Variants in PTPRT observed in about 807,000 individuals in gnomAD.
PTPRT encodes protein tyrosine phosphatase receptor type T.
PTPRT carries 56 observed loss-of-function variants against 176.8 expected under a neutral mutation model. The ratio of observed to expected loss-of-function variants is 0.32; its 90% CI spans 0.26 to 0.40. The LOEUF (loss-of-function observed/expected upper bound fraction) is 0.40. Among genes scored for constraint, PTPRT ranks in the 10% least tolerant of loss-of-function variants. The pLI, the probability that PTPRT is intolerant of heterozygous loss-of-function variation, is 1.00. For synonymous variants in PTPRT, 783 were observed against 739.0 expected, an observed-to-expected ratio of 1.06 and a Z score of -0.96; for missense variants, 1,540 against 1,908.2, an observed-to-expected ratio of 0.81 and a Z score of 3.60.
chr20:43,187,022 T>C (rs1330580893), intron 1 of PTPRT, among the ~76,000 whole-genome samples: 1 of 152,220 alleles, frequency 6.6e-6, no homozygotes, highest in African/African-American at 2.4e-5. Flanking sequence ...TTTCTAAAGG[T>C]TTTTTGTTTG....
intron 2 of PTPRT, among the ~76,000 whole-genome samples, chr20:42,874,364 A>C (rs1429737558): frequency 6.6e-6 from 1 of 152,192 alleles, no homozygotes. Flanking sequence ...AGACAATTCA[A>C]CAAACTGACA....
intron 7 of PTPRT, among the ~76,000 whole-genome samples, chr20:42,579,550 C>A (rs1425127717): frequency 6.6e-6 from 1 of 152,168 alleles, no homozygotes; most frequent in Admixed American, 6.5e-5. Context: ...TCCTATTTCT[C>A]CACATCCTCT....
chr20:43,158,020 A>C (rs537974596), intron 1 of PTPRT, among the ~76,000 whole-genome samples: 2 of 115,920 alleles, frequency 1.7e-5, no homozygotes, highest in East Asian at 5.4e-4. Flanking sequence ...TGCCATCTTG[A>C]GAGTAGATTC....
chr20:42,572,568 T>C (rs886749991), intron 7 of PTPRT, among the ~76,000 whole-genome samples: 3 of 152,194 alleles, frequency 2.0e-5, no homozygotes, highest in Non-Finnish European at 4.4e-5. Flanking sequence ...TTCGAGCCCA[T>C]ATAAAATGCA....
chr20:42,745,098 G>A (rs2145356880), intron 6 of PTPRT, among the ~76,000 whole-genome samples: 1 of 152,300 alleles, frequency 6.6e-6, no homozygotes, highest in East Asian at 1.9e-4. Flanking sequence ...GATAGTTAGT[G>A]GGGAAATGGC....
At chr20:42,972,450 T>C (rs1056757853) in intron 1 of PTPRT, among the ~76,000 whole-genome samples, 42 of 151,298 alleles carry the variant, frequency 2.8e-4, no homozygotes, top group East Asian at 4.0e-4. Flanking sequence ...TAACTTGAGG[T>C]AAGGAGTTCG....
At chr20:42,067,934 G>T (rs1260624685), downstream of PTPRT, among the ~76,000 whole-genome samples, 1 of 152,162 alleles carries the variant, frequency 6.6e-6, no homozygotes, top group African/African-American at 2.4e-5. Flanking sequence ...ATGAGAATAG[G>T]AGTTGTAAGT....
chr20:42,459,579 T>C (rs1453989563), intron 8 of PTPRT, among the ~76,000 whole-genome samples: 1 of 152,166 alleles, frequency 6.6e-6, no homozygotes, highest in East Asian at 1.9e-4. Context: ...TTGACATACA[T>C]TGCAGGATGA....
At chr20:42,950,604 C>A (rs558453456) in intron 1 of PTPRT, among the ~76,000 whole-genome samples, 217 of 152,268 alleles carry the variant, frequency 1.4e-3, no homozygotes, top group Non-Finnish European at 2.6e-3. Flanking sequence ...GGGTGGTAAC[C>A]AAGATGGTGG....
At chr20:42,854,751 C>A (rs775680320) in intron 2 of PTPRT, among the ~76,000 whole-genome samples, 14 of 152,230 alleles carry the variant, frequency 9.2e-5, no homozygotes, top group Non-Finnish European at 1.8e-4. Context: ...GGCTTATCTC[C>A]AAGCCTGCTT....
At position 42,888,414 on chromosome 20, in the gene PTPRT, C is replaced by T. The variant is rs2079137601; in HGVS notation, c.89-2482G>A. On this transcript the variant is annotated intron_variant, in intron 1 of 30. Coordinates refer to ENST00000373187, the MANE Select transcript of PTPRT (RefSeq NM_007050.6). ...TCTGTGTTGGGCAACATATTCGACA[C>T]CGATTACATATACTATCTCATTAGC... 2.6e-5 allele frequency among the ~76,000 whole-genome samples: 4 copies of T among 152,278 alleles called. No homozygotes were observed. In the South Asian group the frequency reaches 8.3e-4, roughly 32 times the overall value.
At chr20:42,852,678 A>T (rs2078496291) in intron 2 of PTPRT, among the ~76,000 whole-genome samples, 1 of 152,084 alleles carries the variant, frequency 6.6e-6, no homozygotes. Context: ...TCATTCATGG[A>T]TTCTGTTCCC....
Position 42,222,929 on chromosome 20 carries a change from A to G in PTPRT, c.2342+13300T>C, listed in dbSNP as rs376485468. ...GTGTCTTGGGGAATGGGGAACAGTC[A>G]TGGGGACTGAGCCCCTAACCTGTGG... is the stretch of plus-strand genomic sequence containing the variant. On this transcript the variant is annotated intron_variant, in intron 15 of 30. Transcript: ENST00000373187. Among the ~76,000 whole-genome samples, 4 of 152,172 alleles carry G rather than the reference A, an allele frequency of 2.6e-5. 1 individual carries two copies. In the East Asian group the frequency reaches 5.8e-4, roughly 22 times the overall value.
At chr20:42,340,792 T>A (rs2058100577) in intron 11 of PTPRT, among the ~76,000 whole-genome samples, 1 of 151,714 alleles carries the variant, frequency 6.6e-6, no homozygotes, top group Admixed American at 6.6e-5. Flanking sequence ...AAAGCAGCGA[T>A]GCAAACTCTC....
At chr20:42,924,211 C>T (rs1344062249) in intron 1 of PTPRT, among the ~76,000 whole-genome samples, 1 of 152,088 alleles carries the variant, frequency 6.6e-6, no homozygotes, top group Non-Finnish European at 1.5e-5. Flanking sequence ...CATATCATGA[C>T]TTTTATAACC....
At chr20:42,174,665 G>A (rs1284056193) in intron 16 of PTPRT, among the ~76,000 whole-genome samples, 1 of 152,074 alleles carries the variant, frequency 6.6e-6, no homozygotes, top group Non-Finnish European at 1.5e-5. Flanking sequence ...TGAGGAAAAC[G>A]GCAAGTCCAA....
At chr20:42,279,724 G>A (rs138198960) in intron 13 of PTPRT, among the ~76,000 whole-genome samples, 36 of 152,324 alleles carry the variant, frequency 2.4e-4, no homozygotes, top group African/African-American at 8.2e-4. Context: ...ATATTCTTGT[G>A]TAAGGGGTAC....
At chr20:42,570,580 C>T (rs1012877414) in intron 7 of PTPRT, among the ~76,000 whole-genome samples, 1 of 152,044 alleles carries the variant, frequency 6.6e-6, no homozygotes, top group Non-Finnish European at 1.5e-5. Context: ...AAAATGTAGC[C>T]AAAGATTTTC....
intron 15 of PTPRT, among the ~76,000 whole-genome samples, chr20:42,208,618 A>G (rs1716006154): frequency 2.0e-5 from 3 of 152,144 alleles, no homozygotes; most frequent in Admixed American, 6.5e-5. Flanking sequence ...TATGCACCCA[A>G]TACAGGAGCA....
Sources: allele counts gnomAD v4.1 joint callset (sites outside exome capture counted in the v4.1 genomes callset), GRCh38; gene constraint gnomAD v4.1.1; transcripts MANE v1.5; gene names NCBI Gene and HGNC (gene_info 2026-07-23, HGNC 2026-07-21).